ADK: variants seen among roughly 807,000 people sequenced by gnomAD.
ADK encodes the protein N6,N6-dimethyladenosine kinase.
ADK carries 24 observed loss-of-function variants against 44.7 expected under a neutral mutation model. The observed-to-expected ratio is 0.54, with a 90% confidence interval of 0.39 to 0.76. The LOEUF (loss-of-function observed/expected upper bound fraction) is 0.76. ADK is among the 30% of genes least tolerant of loss of function. ADK has a pLI of 0.00. For missense variants in ADK, 321 were observed against 425.1 expected (o/e 0.76, Z 2.15); for synonymous variants, 128 against 142.6 (o/e 0.90, Z 0.73).
At chr10:74,554,725 G>A (rs1036783141) in intron 7 of ADK, among the ~76,000 whole-genome samples, 10 of 150,264 alleles carry the variant, frequency 6.7e-5, no homozygotes, top group Admixed American at 4.6e-4. Context: ...CAGATGGATC[G>A]CTTGAGCTCA....
intron 6 of ADK, among the ~76,000 whole-genome samples, chr10:74,493,501 G>T (rs953966482): frequency 4.6e-5 from 7 of 150,722 alleles, no homozygotes; most frequent in Admixed American, 2.0e-4. Context: ...TATAGAGAGA[G>T]ATATAGATAT....
chr10:74,691,083 A>G (rs1269478087), intron 10 of ADK, among the ~76,000 whole-genome samples: 1 of 152,246 alleles, frequency 6.6e-6, no homozygotes, highest in Non-Finnish European at 1.5e-5. Context: ...AACACCTTTA[A>G]GTTGACTGCC....
At chr10:74,365,356 A>G (rs979624993) in intron 4 of ADK, among the ~76,000 whole-genome samples, 19 of 152,310 alleles carry the variant, frequency 1.2e-4, no homozygotes, top group African/African-American at 3.9e-4. Context: ...TGGAGGTTTC[A>G]TATACATGAA....
At chr10:74,372,546 G>A in intron 4 of ADK, 6 of 308,900 alleles carry the variant, frequency 1.9e-5, no homozygotes, top group East Asian at 7.0e-5. Flanking sequence ...AAAATATATT[G>A]GATTTTTGAG....
chr10:74,419,767 A>G (rs1338667775), intron 6 of ADK, among the ~76,000 whole-genome samples: 3 of 152,220 alleles, frequency 2.0e-5, no homozygotes, highest in Non-Finnish European at 4.4e-5. Flanking sequence ...TCGTTATTAC[A>G]TTGAAGACCT....
chr10:74,188,795 C>T (rs190517472), intron 1 of ADK, among the ~76,000 whole-genome samples: 11 of 152,120 alleles, frequency 7.2e-5, no homozygotes, highest in South Asian at 6.2e-4. Flanking sequence ...CATTCAGAGA[C>T]GGAGTCTTGC....
At chr10:74,558,716 A>G (rs1259677463) in intron 7 of ADK, among the ~76,000 whole-genome samples, 1 of 152,166 alleles carries the variant, frequency 6.6e-6, no homozygotes, top group Non-Finnish European at 1.5e-5. Context: ...TTGGTTTCTG[A>G]AAAGTAATTT....
At chr10:74,301,209 A>G (rs938415355) in intron 3 of ADK, among the ~76,000 whole-genome samples, 13 of 152,162 alleles carry the variant, frequency 8.5e-5, no homozygotes, top group African/African-American at 2.9e-4. Context: ...TTTGCGATCA[A>G]TTTTGATTGA....
At chr10:74,262,022 C>G (rs1846055898) in intron 3 of ADK, among the ~76,000 whole-genome samples, 1 of 151,996 alleles carries the variant, frequency 6.6e-6, no homozygotes, top group Non-Finnish European at 1.5e-5. Flanking sequence ...TTTTCCACCA[C>G]AAAAAACACT....
At chr10:74,312,085 G>A (rs1369569170) in intron 3 of ADK, among the ~76,000 whole-genome samples, 1 of 152,112 alleles carries the variant, frequency 6.6e-6, no homozygotes, top group Admixed American at 6.5e-5. Context: ...AGAATCACTT[G>A]AACCAGGGAG....
chr10:74,372,602 T>C (rs1382639834), intron 4 of ADK, among the ~76,000 whole-genome samples: 2 of 152,114 alleles, frequency 1.3e-5, no homozygotes, highest in Non-Finnish European at 2.9e-5. Context: ...AACAATTTCA[T>C]TTAAATATCT....
At chr10:74,202,658 T>C (rs546780953) in intron 2 of ADK, among the ~76,000 whole-genome samples, 1 of 152,274 alleles carries the variant, frequency 6.6e-6, no homozygotes, top group East Asian at 1.9e-4. Context: ...GCCATATGAG[T>C]GGGTGTGAAA....
At chr10:74,188,045 G>C (rs192415034) in intron 1 of ADK, among the ~76,000 whole-genome samples, 215 of 152,260 alleles carry the variant, frequency 1.4e-3, no homozygotes, top group African/African-American at 4.9e-3. Flanking sequence ...TACTTTTACA[G>C]GTTTAATTAC....
At chr10:74,308,412 C>T (rs898568535) in intron 3 of ADK, among the ~76,000 whole-genome samples, 3 of 152,104 alleles carry the variant, frequency 2.0e-5, no homozygotes, top group Non-Finnish European at 4.4e-5. Flanking sequence ...AAACGCATGT[C>T]GAAAATGTTA....
chr10:74,384,016 C>T (rs1481863875), intron 4 of ADK, among the ~76,000 whole-genome samples: 1 of 152,144 alleles, frequency 6.6e-6, no homozygotes, highest in Non-Finnish European at 1.5e-5. Context: ...CACAGTTTCT[C>T]ATATTTATCT....
chr10:74,258,087 G>A (rs1410986268), intron 3 of ADK, among the ~76,000 whole-genome samples: 1 of 152,118 alleles, frequency 6.6e-6, no homozygotes, highest in African/African-American at 2.4e-5. Flanking sequence ...TTTTTATAGT[G>A]AGAATTATGA....
intron 2 of ADK, among the ~76,000 whole-genome samples, chr10:74,212,486 G>A (rs1244072849): frequency 6.6e-6 from 1 of 152,202 alleles, no homozygotes; most frequent in Non-Finnish European, 1.5e-5. Flanking sequence ...GAGGTTAAGA[G>A]TGTGCTCTGG....
chr10:74,162,105 C>T (rs1343834149), intron 1 of ADK, among the ~76,000 whole-genome samples: 1 of 152,016 alleles, frequency 6.6e-6, no homozygotes, highest in Non-Finnish European at 1.5e-5. Context: ...ACTGCAACCC[C>T]CGCCTTCTGG....
At chr10:74,438,662 T>C (rs1845278287) in intron 6 of ADK, among the ~76,000 whole-genome samples, 1 of 152,212 alleles carries the variant, frequency 6.6e-6, no homozygotes, top group Admixed American at 6.5e-5. Flanking sequence ...AGCAACCCGA[T>C]ATGTATAAAT....
Sources: allele counts gnomAD v4.1 joint callset (sites outside exome capture counted in the v4.1 genomes callset), GRCh38; gene constraint gnomAD v4.1.1; transcripts MANE v1.5; gene names NCBI Gene and HGNC (gene_info 2026-07-23, HGNC 2026-07-21).